Variants in DDC observed in about 807,000 individuals in gnomAD.
The protein encoded by DDC is dopa decarboxylase, also known as aromatic-L-amino-acid decarboxylase.
DDC carries 43 observed loss-of-function variants against 60.0 expected under a neutral mutation model. The observed-to-expected ratio is 0.72, with a 90% CI of 0.56 to 0.92. The LOEUF is 0.92. Ranked by LOEUF, DDC falls within the 40% of genes least tolerant of loss-of-function variation. The probability of loss-of-function intolerance (pLI) is 0.00; values close to 1 mark genes in which losing one functional copy is unlikely to be tolerated. For synonymous variants in DDC, 232 were observed against 234.6 expected, an observed-to-expected ratio of 0.99 and a Z score of 0.10; for missense variants, 573 against 620.2, an observed-to-expected ratio of 0.92 and a Z score of 0.81.
intron 2 of DDC, 175 bp from the exon 3 acceptor site, chr7:50,540,203 C>T: frequency 3.1e-6 from 2 of 653,976 alleles, no homozygotes; most frequent in East Asian, 5.8e-5. Context: ...TATTTCGGAG[C>T]ATTTACACAT....
chr7:50,479,005 C>T (rs1270930303), intron 10 of DDC, among the ~76,000 whole-genome samples: 2 of 152,192 alleles, frequency 1.3e-5, no homozygotes, highest in Non-Finnish European at 2.9e-5. Flanking sequence ...ACCTCCTCAC[C>T]AGCGTTGTGA....
chr7:50,468,994 C>A (rs1282474154), intron 12 of DDC, among the ~76,000 whole-genome samples: 3 of 138,448 alleles, frequency 2.2e-5, no homozygotes, highest in African/African-American at 8.2e-5. Context: ...GGCTTTAGTG[C>A]AGTGGCACAA....
rs185767422 is a variant in DDC at position 50,500,250 on chromosome 7, G to A, written c.782-1008C>T. Among the ~76,000 whole-genome samples the A allele has an allele frequency of 2.6e-5, 4 of 152,156 alleles. No individual in the cohort carries two copies. In the East Asian group the frequency reaches 7.7e-4, roughly 29 times the overall value. Reference sequence around the variant, plus strand: ...ATTCACCGTTCACTCACCATCCATGGTGCTCATTGTGCAATGAGGCGTGAG... The same window carrying A: ...ATTCACCGTTCACTCACCATCCATGATGCTCATTGTGCAATGAGGCGTGAG... On this transcript the variant is annotated intron_variant, in intron 7 of 14. Transcript: ENST00000444124.
At chr7:50,563,128 C>T (rs1278098798) in intron 1 of DDC, among the ~76,000 whole-genome samples, 4 of 146,612 alleles carry the variant, frequency 2.7e-5, no homozygotes, top group Non-Finnish European at 5.9e-5. Context: ...GACTGTGCCA[C>T]TGCACTCCAG....
intron 1 of DDC, among the ~76,000 whole-genome samples, chr7:50,546,391 G>A (rs185257505): frequency 1.8e-4 from 27 of 152,312 alleles, no homozygotes; most frequent in African/African-American, 6.3e-4. Flanking sequence ...TCAGGTGAGA[G>A]GGTCCCTGGG....
chr7:50,488,851 T>C (rs1370866070), intron 9 of DDC, among the ~76,000 whole-genome samples: 1 of 152,250 alleles, frequency 6.6e-6, no homozygotes, highest in Non-Finnish European at 1.5e-5. Flanking sequence ...GTTTTCAGCT[T>C]TCTCTCCCCT....
At position 50,504,043 on chromosome 7, in the gene DDC, C is replaced by T; in HGVS notation, c.731G>A (p.Gly244Glu). The part of the protein sequence containing the change: ...LIPFFMVATL[G>E]TTTCCSFDNL... Reference sequence around the variant, plus strand: ...GTCAAAGGAGCAGCATGTTGTGGTCCCCAGGGTGGCAACCATCTAGAGGGT... The same window carrying T: ...GTCAAAGGAGCAGCATGTTGTGGTCTCCAGGGTGGCAACCATCTAGAGGGT... Residue 244 changes from glycine (G) to glutamate (E), a missense_variant, in exon 7 of 15, where the codon GGG (glycine) becomes GAG (glutamate). Transcript: ENST00000444124. 3 of 1,613,604 alleles carry T rather than the reference C, an allele frequency of 1.9e-6. No homozygotes were observed. Among genetic ancestry groups the T allele is most frequent in the Non-Finnish European group, 1.7e-6 (2 of 1,179,560 alleles).
intron 3 of DDC, 45 bp from the exon 4 acceptor site, chr7:50,538,024 C>A (rs967341703): frequency 6.2e-7 from 1 of 1,613,726 alleles, no homozygotes; most frequent in Non-Finnish European, 8.5e-7. Flanking sequence ...CCAGGCATTG[C>A]AGAATTTGGG....
At chr7:50,470,801 C>T (rs2042512355) in intron 11 of DDC, among the ~76,000 whole-genome samples, 1 of 152,164 alleles carries the variant, frequency 6.6e-6, no homozygotes, top group African/African-American at 2.4e-5. Flanking sequence ...AGTTGACCGG[C>T]CCCCACACAC....
chr7:50,488,053 T>A (rs2042922465), intron 9 of DDC, among the ~76,000 whole-genome samples: 1 of 152,144 alleles, frequency 6.6e-6, no homozygotes, highest in Non-Finnish European at 1.5e-5. Flanking sequence ...CTTAAGTTTT[T>A]TACATAGGTA....
intron 1 of DDC, among the ~76,000 whole-genome samples, chr7:50,558,750 G>C (rs368850889): frequency 6.6e-6 from 1 of 152,320 alleles, no homozygotes; most frequent in East Asian, 1.9e-4. Context: ...CACCTCCACT[G>C]TCAGCTGCCT....
chr7:50,500,089 C>A (rs573079204), intron 7 of DDC, among the ~76,000 whole-genome samples: 1 of 152,072 alleles, frequency 6.6e-6, no homozygotes, highest in Non-Finnish European at 1.5e-5. Flanking sequence ...CCCTAGGCAC[C>A]CAGGAGAGTA....
chr7:50,502,936 C>A (rs2043294977), intron 7 of DDC, among the ~76,000 whole-genome samples: 1 of 152,222 alleles, frequency 6.6e-6, no homozygotes, highest in Admixed American at 6.5e-5. Flanking sequence ...CCCTAGCTTC[C>A]TTGTCACCAA....
chr7:50,504,480 CATT>C (rs2043339131), intron 6 of DDC, among the ~76,000 whole-genome samples: 1 of 151,138 alleles, frequency 6.6e-6, no homozygotes, highest in Admixed American at 6.6e-5. Context: ...TTCTATGTAA[CATT>C]AGTGTAACTA....
At position 50,560,179 on chromosome 7, in the gene DDC, C is replaced by T. The variant is rs75854069; in HGVS notation, c.-29+5106G>A. On this transcript the variant is annotated intron_variant, in intron 1 of 14. Coordinates refer to ENST00000444124, the MANE Select transcript of DDC (RefSeq NM_001082971.2). ...TTCTCTGGCACCCTTGACAAACCAA[C>T]AGAGGACCAGCTTTTGTGCAGTGAT... 2.5e-3 allele frequency among the ~76,000 whole-genome samples: 376 copies of T among 152,294 alleles called. 17 individuals carry two copies. The East Asian group carries it at 0.066, about 27-fold the overall frequency.
At chr7:50,531,344 T>A (rs899984086) in intron 4 of DDC, among the ~76,000 whole-genome samples, 1 of 152,056 alleles carries the variant, frequency 6.6e-6, no homozygotes, top group Admixed American at 6.6e-5. Flanking sequence ...CCACACACAT[T>A]TTGTTTGTCA....
At chr7:50,460,092 A>G (rs1336227839) in intron 14 of DDC, among the ~76,000 whole-genome samples, 6 of 124,296 alleles carry the variant, frequency 4.8e-5, no homozygotes, top group East Asian at 2.7e-4. Flanking sequence ...CAGCCGCCCC[A>G]TCCGGGAGGT....
chr7:50,501,352 C>T (rs937238229), intron 7 of DDC, among the ~76,000 whole-genome samples: 9 of 152,200 alleles, frequency 5.9e-5, no homozygotes, highest in Non-Finnish European at 4.4e-5. Flanking sequence ...TCAGTTTCCC[C>T]ACTTCCCCAT....
intron 4 of DDC, among the ~76,000 whole-genome samples, chr7:50,530,975 A>G (rs1483796171): frequency 1.3e-5 from 2 of 152,178 alleles, no homozygotes; most frequent in Admixed American, 6.5e-5. Context: ...GCCAACCCAC[A>G]TCCTTTGGTG....
Sources: allele counts gnomAD v4.1 joint callset (sites outside exome capture counted in the v4.1 genomes callset), GRCh38; gene constraint gnomAD v4.1.1; transcripts MANE v1.5; gene names NCBI Gene and HGNC (gene_info 2026-07-23, HGNC 2026-07-21).